The following MCFD2 variants were observed in gnomAD, a reference collection of about 807,000 sequenced individuals.
MCFD2 encodes the protein multiple coagulation factor deficiency protein 2.
Under a neutral mutation model 12.8 loss-of-function variants are expected in MCFD2, and 11 were observed. That is an observed-to-expected ratio of 0.86 (90% CI 0.54 to 1.42). The LOEUF (loss-of-function observed/expected upper bound fraction) is 1.42, where lower values mean the gene tolerates loss of function less well. MCFD2 is among the 40% of genes most tolerant of loss of function. The pLI is 0.00. For missense variants in MCFD2, 191 were observed against 178.6 expected, an observed-to-expected ratio of 1.07 and a Z score of -0.40; for synonymous variants, 70 against 68.1, an observed-to-expected ratio of 1.03 and a Z score of -0.14.
At chr2:46,915,685 G>C (rs1437270327) in intron 1 of MCFD2, 38 bp downstream of exon 1, 1 of 838,386 alleles carries the variant, frequency 1.2e-6, no homozygotes, top group African/African-American at 1.8e-5. Flanking sequence ...GAGGCGCCGG[G>C]ATCCCGCCCG....
At chr2:46,935,422 T>C (rs1281449030) in intron 1 of MCFD2, among the ~76,000 whole-genome samples, 1 of 151,844 alleles carries the variant, frequency 6.6e-6, no homozygotes, top group Non-Finnish European at 1.5e-5. Context: ...GCAAAAAAAA[T>C]AAAAAAACAA....
At chr2:46,928,862 G>A (rs1669542875) in intron 1 of MCFD2, among the ~76,000 whole-genome samples, 1 of 152,066 alleles carries the variant, frequency 6.6e-6, no homozygotes. Flanking sequence ...AGCTTTAAAA[G>A]CCACATTTAT....
Position 46,905,695 on chromosome 2 carries a change from TAA to T in MCFD2, c.310-103_310-102del, listed in dbSNP as rs59068176. On this transcript the variant is annotated intron_variant, in intron 3 of 3. Transcript: ENST00000319466. ...CATGTTCTTTCATGGCACTGTTTAT[TAA>T]AAAAAAAAAAAAAAAAAAGGAAAAA... is the stretch of plus-strand genomic sequence containing the variant. 0.033 allele frequency: 16,482 copies of T among 499,002 alleles called. 18 individuals are homozygous for T. Among genetic ancestry groups the T allele is most frequent in the African/African-American group, 0.047 (2,022 of 43,220 alleles). 30.9% of individuals were successfully genotyped at this position (499,002 alleles called of 1,614,324 possible).
In MCFD2 at chr2:46,902,307, G is replaced by T. The variant is rs190858774; in HGVS notation, c.*3156C>A. 1 of 152,724 alleles carries T rather than the reference G, an allele frequency of 6.5e-6. No individual in the cohort carries two copies. Among genetic ancestry groups the T allele is most frequent in the Middle Eastern group, 3.4e-3 (1 of 294 alleles). 9.5% of individuals were successfully genotyped at this position (152,724 alleles called of 1,614,324 possible). On this transcript the variant is annotated 3_prime_UTR_variant, in exon 4 of 4. Transcript: ENST00000319466. ...ACTTCAACAATATCCCTCTTGACTA[G>T]AACTTCTATCTGATTAATCATTGTT...
intron 1 of MCFD2, among the ~76,000 whole-genome samples, chr2:46,933,199 G>A (rs1027354165): frequency 2.0e-5 from 3 of 152,124 alleles, no homozygotes; most frequent in Admixed American, 1.3e-4. Context: ...CCACTAACAA[G>A]AATTAAGAGT....
intron 1 of MCFD2, among the ~76,000 whole-genome samples, chr2:46,913,338 A>G (rs1668561866): frequency 6.6e-6 from 1 of 152,200 alleles, no homozygotes; most frequent in Non-Finnish European, 1.5e-5. Flanking sequence ...ACTTGAGCCC[A>G]GGAGTTCAAG....
At chr2:46,939,151 T>C (rs1411218824) in intron 1 of MCFD2, among the ~76,000 whole-genome samples, 1 of 151,754 alleles carries the variant, frequency 6.6e-6, no homozygotes, top group Non-Finnish European at 1.5e-5. Flanking sequence ...TAAAATAAAG[T>C]AAAAATTTTA....
At chr2:46,910,105 A>G (rs1414845607) in intron 1 of MCFD2, among the ~76,000 whole-genome samples, 1 of 152,230 alleles carries the variant, frequency 6.6e-6, no homozygotes, top group African/African-American at 2.4e-5. Context: ...GAAAAGTTAC[A>G]GAGAAATCAG....
Position 46,905,375 on chromosome 2 carries a change from G to C in MCFD2, c.*88C>G. On this transcript the variant is annotated 3_prime_UTR_variant, in exon 4 of 4. Transcript: ENST00000319466. The stretch of plus-strand genomic sequence containing the variant: ...TTACCAAAATGCTGCAGCAGTAGTT[G>C]GAAATGAGTTATTTTGCATTACTAA... 6.9e-7 allele frequency: 1 copy of C among 1,450,870 alleles called. No homozygotes were observed. Among genetic ancestry groups the C allele is most frequent in the Non-Finnish European group, 9.7e-7 (1 of 1,034,802 alleles). The allele number at this position is 1,450,870 out of a possible 1,614,324, so 89.9% of individuals were successfully genotyped here.
upstream of MCFD2, among the ~76,000 whole-genome samples, chr2:46,917,009 G>A (rs914842377): frequency 6.6e-6 from 1 of 152,066 alleles, no homozygotes; most frequent in African/African-American, 2.4e-5. Context: ...ATGAGCCTGG[G>A]TCCGGACAGG....
At chr2:46,922,424 T>C (rs1472917888) in intron 1 of MCFD2, among the ~76,000 whole-genome samples, 1 of 152,212 alleles carries the variant, frequency 6.6e-6, no homozygotes, top group Non-Finnish European at 1.5e-5. Flanking sequence ...CTGCCTGCTA[T>C]ACATTTTTAG....
intron 1 of MCFD2, chr2:46,912,587 T>A (rs1416084205): frequency 6.6e-6 from 1 of 152,252 alleles, no homozygotes; most frequent in Non-Finnish European, 1.5e-5. Context: ...ATTCCAAGTC[T>A]GGTGTAGGTA....
intron 3 of MCFD2, 82 bp from the exon 4 acceptor site, chr2:46,905,676 C>A: frequency 1.3e-3 from 883 of 673,180 alleles, no homozygotes; most frequent in Non-Finnish European, 2.1e-3. Context: ...TATCCATGTT[C>A]TTTCATGGCA....
At chr2:46,935,051 G>A (rs1406935536) in intron 1 of MCFD2, among the ~76,000 whole-genome samples, 4 of 151,842 alleles carry the variant, frequency 2.6e-5, no homozygotes, top group Non-Finnish European at 4.4e-5. Flanking sequence ...CACCCACCTC[G>A]GCCTCCCAAA....
At chr2:46,933,881 A>G (rs943089859) in intron 1 of MCFD2, among the ~76,000 whole-genome samples, 1 of 152,188 alleles carries the variant, frequency 6.6e-6, no homozygotes, top group Non-Finnish European at 1.5e-5. Flanking sequence ...TGTGCTGGGA[A>G]CACAGGGCTC....
chr2:46,907,863 T>G lies in MCFD2; in HGVS notation c.256A>C (p.Asn86His). ...GAGAGTTCTAAGCCATCAAGCAAAT[T>G]ATTGCCATCATAATCATGCATTTTG... ...YFKMHDYDGN[N>H]LLDGLELSTA... The change falls in exon 3 of 4, where the codon AAT becomes CAT. Residue 86 changes from asparagine (N) to histidine (H), a missense_variant. Physicochemically the swap from Asn to His is moderately conservative, Grantham distance 68. Transcript: ENST00000319466. The surrounding 1 kb of genome is among the most constrained non-coding windows in gnomAD (Gnocchi z 4.1). The G allele has an allele frequency of 6.2e-7, 1 of 1,614,214 alleles. No homozygotes were observed.
At chr2:46,922,535 AT>A (rs755860138) in intron 1 of MCFD2, among the ~76,000 whole-genome samples, 15 of 139,994 alleles carry the variant, frequency 1.1e-4, no homozygotes, top group Admixed American at 3.5e-4. Context: ...CTCAGGGAAA[AT>A]TTTTTTTTCC....
At position 46,905,220 on chromosome 2, in the gene MCFD2, A is replaced by C; in HGVS notation, c.*243T>G. ...CAGCAGCATTAATACAGACTAATAC[A>C]GATGCTTGAAGCAAGCCCTTGTCCA... On this transcript the variant is annotated 3_prime_UTR_variant, in exon 4 of 4. Coordinates refer to ENST00000319466, the MANE Select transcript of MCFD2 (RefSeq NM_139279.6). The C allele has an allele frequency of 1.9e-6, 1 of 517,296 alleles. No individual in the cohort carries two copies. The highest frequency in any genetic ancestry group is 1.9e-5 in the South Asian group (1 of 51,780). 32.0% of individuals were successfully genotyped at this position (517,296 alleles called of 1,614,324 possible). A position where few individuals can be genotyped will look rare whatever the true frequency, so the allele number is the denominator to read the frequency against.
At chr2:46,915,806 G>GGGGGGGGGGGGGGGGGGGGGGGCC, upstream of MCFD2, 1 of 512,582 alleles carries the variant, frequency 2.0e-6, no homozygotes, top group Non-Finnish European at 2.1e-6. Context: ...CCTCGGCTTC[G>GGGGGGGGGGGGGGGGGGGGGGGCC]CCCCGCCCCC....
Sources: allele counts gnomAD v4.1 joint callset (sites outside exome capture counted in the v4.1 genomes callset), GRCh38; gene constraint gnomAD v4.1.1; non-coding constraint Gnocchi (gnomAD v3.1); transcripts MANE v1.5; gene names NCBI Gene and HGNC (gene_info 2026-07-23, HGNC 2026-07-21).